Variants in BASP1 observed in about 807,000 individuals in gnomAD.
BASP1 encodes the protein brain acid soluble protein 1.
Under a neutral mutation model 2.2 loss-of-function variants are expected in BASP1, and 1 was observed. The observed-to-expected ratio is 0.46, with a 90% CI of 0.16 to 2.17. The LOEUF is 2.17. Ranked by LOEUF, BASP1 falls within the 30% of genes most tolerant of loss-of-function variation. The pLI, the probability that BASP1 is intolerant of heterozygous loss-of-function variation, is 0.27. For synonymous variants in BASP1, 187 were observed against 154.2 expected (o/e 1.21, Z -1.58); for missense variants, 352 against 327.2 (o/e 1.08, Z -0.58).
chr5:17,239,068 C>T lies in BASP1; in HGVS notation c.-10+21258C>T, dbSNP rs148101751. Reference sequence around the variant, plus strand: ...TTACTTGATATCAATCAACACTTGACTAAATCTTACATCCTGTCTTCAGCT... The same window carrying T: ...TTACTTGATATCAATCAACACTTGATTAAATCTTACATCCTGTCTTCAGCT... On this transcript the variant is annotated intron_variant, in intron 1 of 1. Coordinates refer to ENST00000322611, the MANE Select transcript of BASP1 (RefSeq NM_006317.5). 2.9e-3 allele frequency among the ~76,000 whole-genome samples: 445 copies of T among 152,154 alleles called. 3 individuals carry two copies. The highest frequency in any genetic ancestry group is 0.01 in the African/African-American group (419 of 41,522).
intron 1 of BASP1, among the ~76,000 whole-genome samples, chr5:17,218,982 AGGACCTT>A (rs2126483844): frequency 9.9e-6 from 1 of 101,302 alleles, no homozygotes; most frequent in South Asian, 3.5e-4. Flanking sequence ...TGCATTTTTT[AGGACCTT>A]GTACAGGTTG....
intron 1 of BASP1, among the ~76,000 whole-genome samples, chr5:17,232,293 T>C (rs1739647355): frequency 6.6e-6 from 1 of 152,248 alleles, no homozygotes; most frequent in African/African-American, 2.4e-5. Context: ...TTGAATGCTT[T>C]TGGTCTGCTT....
chr5:17,222,279 C>G (rs1187352765), intron 1 of BASP1, among the ~76,000 whole-genome samples: 2 of 152,120 alleles, frequency 1.3e-5, no homozygotes, highest in African/African-American at 4.8e-5. Flanking sequence ...TTCATGATAT[C>G]AAGATGGCCA....
chr5:17,263,502 A>G (rs1443512888), intron 1 of BASP1, among the ~76,000 whole-genome samples: 1 of 152,186 alleles, frequency 6.6e-6, no homozygotes, highest in East Asian at 1.9e-4. Context: ...CTCACCTCAG[A>G]TATTTATGCA....
intron 1 of BASP1, among the ~76,000 whole-genome samples, chr5:17,238,282 C>T (rs1000352649): frequency 6.6e-6 from 1 of 151,790 alleles, no homozygotes; most frequent in African/African-American, 2.4e-5. Context: ...TCAATTCATT[C>T]TACGTAGCTG....
intron 1 of BASP1, among the ~76,000 whole-genome samples, chr5:17,240,166 A>ATAAC (rs1554027079): frequency 2.7e-5 from 4 of 147,174 alleles, no homozygotes; most frequent in African/African-American, 7.4e-5. Flanking sequence ...AAATAAATAA[A>ATAAC]TAACAGGTTG....
At chr5:17,249,434 A>G (rs1242480125) in intron 1 of BASP1, among the ~76,000 whole-genome samples, 1 of 152,128 alleles carries the variant, frequency 6.6e-6, no homozygotes, top group Non-Finnish European at 1.5e-5. Context: ...AAAAGTCTAG[A>G]TGGGTATGAT....
intron 1 of BASP1, among the ~76,000 whole-genome samples, chr5:17,219,130 C>T (rs927329275): frequency 9.2e-5 from 14 of 151,944 alleles, no homozygotes; most frequent in African/African-American, 3.1e-4. Flanking sequence ...GATTACAGCC[C>T]GGGCCAACAG....
intron 1 of BASP1, among the ~76,000 whole-genome samples, chr5:17,268,078 C>T (rs1159776243): frequency 1.3e-5 from 2 of 151,684 alleles, no homozygotes; most frequent in African/African-American, 2.4e-5. Flanking sequence ...AATTATTTTT[C>T]CCCCTAGAAA....
chr5:17,276,748 A>AAC lies in BASP1; in HGVS notation c.*850_*851dup, dbSNP rs1554029512. 4.8e-5 allele frequency: 8 copies of AAC among 166,568 alleles called. No homozygotes were observed. The highest frequency in any genetic ancestry group is 1.9e-4 in the African/African-American group (8 of 41,352). The allele number at this position is 166,568 out of a possible 1,614,324, so 10.3% of individuals were successfully genotyped here. ...AAATGGAAAAAAAAAACAAAAAAAA[A>AAC]ACAAAAAAATGTACAATGGATGCAT... On this transcript the variant is annotated 3_prime_UTR_variant, in exon 2 of 2. Coordinates refer to ENST00000322611, the MANE Select transcript of BASP1 (RefSeq NM_006317.5).
intron 1 of BASP1, among the ~76,000 whole-genome samples, chr5:17,220,109 T>C (rs73050878): frequency 0.047 from 7,201 of 152,296 alleles, 602 homozygotes; most frequent in African/African-American, 0.16. Context: ...AATAGGGTTT[T>C]ATGCTTAAGT....
rs192503187 is a variant in BASP1 at position 17,254,597 on chromosome 5, G to A, written c.-9-20611G>A. Among the ~76,000 whole-genome samples, 3 of 152,276 alleles carry A rather than the reference G, an allele frequency of 2.0e-5. No homozygotes were observed. The East Asian group carries it at 5.8e-4, about 29-fold the overall frequency. ...TTGATAAAAGCATTCAGTTTGCAAC[G>A]GATCTGCAGTGCATCATGGTGCTCA... On this transcript the variant is annotated intron_variant, in intron 1 of 1. Transcript: ENST00000322611.
At chr5:17,244,554 G>A (rs1739938642) in intron 1 of BASP1, among the ~76,000 whole-genome samples, 1 of 152,068 alleles carries the variant, frequency 6.6e-6, no homozygotes, top group South Asian at 2.1e-4. Context: ...AGAGGGTCTG[G>A]GTGTGACCCA....
At chr5:17,217,199 G>T (rs924258311), upstream of BASP1, among the ~76,000 whole-genome samples, 2 of 117,616 alleles carry the variant, frequency 1.7e-5, no homozygotes, top group African/African-American at 6.9e-5. Flanking sequence ...GGAGGCGGAG[G>T]GGGGATCTGA....
intron 1 of BASP1, among the ~76,000 whole-genome samples, chr5:17,220,272 G>A (rs1739371127): frequency 1.3e-5 from 2 of 152,114 alleles, no homozygotes; most frequent in South Asian, 4.2e-4. Flanking sequence ...AGGTGGCATG[G>A]ATTGTACCCT....
intron 1 of BASP1, among the ~76,000 whole-genome samples, chr5:17,227,781 T>C (rs1739546865): frequency 6.6e-6 from 1 of 152,200 alleles, no homozygotes; most frequent in Non-Finnish European, 1.5e-5. Flanking sequence ...CTTCTCATAA[T>C]CACCCAACCT....
chr5:17,257,735 C>T (rs1289094686), intron 1 of BASP1, among the ~76,000 whole-genome samples: 2 of 152,116 alleles, frequency 1.3e-5, no homozygotes, highest in Admixed American at 6.6e-5. Flanking sequence ...ATCAAAGTTC[C>T]GCTTGAACTA....
chr5:17,275,952 T>C lies in BASP1; in HGVS notation c.*52T>C, dbSNP rs1009931517. 2.3e-6 allele frequency: 3 copies of C among 1,319,942 alleles called. No individual in the cohort carries two copies. In the African/African-American group the frequency reaches 5.2e-5, roughly 23 times the overall value. The allele number at this position is 1,319,942 out of a possible 1,614,324, so 81.8% of individuals were successfully genotyped here. On this transcript the variant is annotated 3_prime_UTR_variant, in exon 2 of 2. Transcript: ENST00000322611. The surrounding 1 kb of genome is among the most constrained non-coding windows in gnomAD (Gnocchi z 5.3). ...ACCACTTAAAACAATCTCCTCTCTC[T>C]CTCTCTCTCTCTCTCTCTATCTCTC...
chr5:17,245,987 G>C (rs555931091), intron 1 of BASP1, among the ~76,000 whole-genome samples: 49 of 152,140 alleles, frequency 3.2e-4, no homozygotes, highest in African/African-American at 1.1e-3. Flanking sequence ...AAAAAATCAA[G>C]AGAATTCCAG....
Sources: allele counts gnomAD v4.1 joint callset (sites outside exome capture counted in the v4.1 genomes callset), GRCh38; gene constraint gnomAD v4.1.1; non-coding constraint Gnocchi (gnomAD v3.1); transcripts MANE v1.5; gene names NCBI Gene and HGNC (gene_info 2026-07-23, HGNC 2026-07-21).